The following RANBP3 variants were observed in gnomAD, a reference collection of about 807,000 sequenced individuals.
The protein encoded by RANBP3 is RAN binding protein 3, also known as ran-binding protein 3.
Under a neutral mutation model 77.3 loss-of-function variants are expected in RANBP3, and 14 were observed. The ratio of observed to expected loss-of-function variants is 0.18; its 90% CI spans 0.12 to 0.28. The LOEUF (loss-of-function observed/expected upper bound fraction) is 0.28, where lower values mean the gene tolerates loss of function less well. RANBP3 is among the 10% of genes least tolerant of loss of function. RANBP3 has a pLI of 1.00. For synonymous variants in RANBP3, 315 were observed against 312.4 expected, an observed-to-expected ratio of 1.01 and a Z score of -0.09; for missense variants, 586 against 752.3, an observed-to-expected ratio of 0.78 and a Z score of 2.59.
At chr19:5,939,377 G>T (rs1179908643) in intron 5 of RANBP3, among the ~76,000 whole-genome samples, 1 of 152,130 alleles carries the variant, frequency 6.6e-6, no homozygotes, top group African/African-American at 2.4e-5. Flanking sequence ...CTGAAGAGTT[G>T]GGGGAAAAAT....
chr19:5,958,018 ATACAG>A lies in RANBP3; in HGVS notation c.23-50_23-46del. On this transcript the variant is annotated intron_variant, in intron 1 of 16. Transcript: ENST00000340578. The surrounding 1 kb of genome is among the most constrained non-coding windows in gnomAD (Gnocchi z 4.4). ...TTTTTTTCCCCCCAACACTATATGC[ATACAG>A]TAAACAAAGCTACACTTGTTTGTAA... 6.5e-7 allele frequency: 1 copy of A among 1,545,170 alleles called. No homozygotes were observed. The highest frequency in any genetic ancestry group is 1.1e-5 in the South Asian group (1 of 89,408).
At chr19:5,927,301 G>A (rs1323865662) in intron 9 of RANBP3, among the ~76,000 whole-genome samples, 1 of 152,160 alleles carries the variant, frequency 6.6e-6, no homozygotes, top group African/African-American at 2.4e-5. Flanking sequence ...CACATGTCTG[G>A]AGGGCAGCCA....
At chr19:5,939,515 C>T (rs781726345) in intron 5 of RANBP3, among the ~76,000 whole-genome samples, 12 of 152,204 alleles carry the variant, frequency 7.9e-5, no homozygotes, top group Non-Finnish European at 1.5e-4. Context: ...GCTCACTTGG[C>T]TCTGAGTCGG....
chr19:5,957,736 G>GT (rs2058352318), intron 2 of RANBP3, among the ~76,000 whole-genome samples, 182 bp downstream of exon 2: 1 of 152,000 alleles, frequency 6.6e-6, no homozygotes, highest in South Asian at 2.1e-4. Flanking sequence ...TCTCTCCACG[G>GT]TAACCTAAAG....
At chr19:5,934,769 G>A (rs1346085199) in intron 5 of RANBP3, among the ~76,000 whole-genome samples, 10 of 152,216 alleles carry the variant, frequency 6.6e-5, no homozygotes, top group African/African-American at 9.6e-5. Flanking sequence ...GGGAGCTTGA[G>A]GTTACAGTTG....
At chr19:5,975,908 T>G (rs776893964) in intron 1 of RANBP3, among the ~76,000 whole-genome samples, 3 of 151,660 alleles carry the variant, frequency 2.0e-5, no homozygotes, top group African/African-American at 4.9e-5. Context: ...CCAGAGTAGT[T>G]AGCACAGAGC....
chr19:5,919,198 A>G (rs1204661109), intron 14 of RANBP3, among the ~76,000 whole-genome samples: 1 of 152,182 alleles, frequency 6.6e-6, no homozygotes, highest in Non-Finnish European at 1.5e-5. Context: ...AGGAGACGAG[A>G]GGACTGTGGG....
intron 3 of RANBP3, 72 bp downstream of exon 3, chr19:5,951,321 C>A: frequency 2.2e-6 from 3 of 1,394,732 alleles, no homozygotes; most frequent in Non-Finnish European, 3.0e-6. Context: ...TCTGAGGGAC[C>A]CGAAGGGAAA....
chr19:5,976,777 G>A (rs1054046045), intron 1 of RANBP3, among the ~76,000 whole-genome samples: 3 of 152,162 alleles, frequency 2.0e-5, no homozygotes, highest in Admixed American at 2.0e-4. Flanking sequence ...CCAAGAATCA[G>A]GGAGAGAACC....
At chr19:5,957,144 G>T (rs1455517233) in intron 2 of RANBP3, among the ~76,000 whole-genome samples, 1 of 152,196 alleles carries the variant, frequency 6.6e-6, no homozygotes, top group Non-Finnish European at 1.5e-5. Flanking sequence ...GGGTCCCCAT[G>T]CAAGCTGAGG....
At chr19:5,944,428 A>G (rs1192404624) in intron 3 of RANBP3, among the ~76,000 whole-genome samples, 3 of 152,178 alleles carry the variant, frequency 2.0e-5, no homozygotes, top group South Asian at 4.1e-4. Flanking sequence ...CCTCATACTT[A>G]GCAAAGGTGA....
At chr19:5,928,731 T>C (rs1030801719) in intron 8 of RANBP3, among the ~76,000 whole-genome samples, 2 of 150,136 alleles carry the variant, frequency 1.3e-5, no homozygotes, top group Non-Finnish European at 3.0e-5. Context: ...CTTTCTAGGA[T>C]TTCCATTTTG....
chr19:5,960,601 G>C (rs567043049), intron 1 of RANBP3, among the ~76,000 whole-genome samples: 1 of 152,184 alleles, frequency 6.6e-6, no homozygotes. Flanking sequence ...GAAGGGGGAG[G>C]GAAGGAGGAC....
rs751798723 is a variant in RANBP3 at position 5,924,941 on chromosome 19, C to G, written c.918-36G>C. On this transcript the variant is annotated intron_variant, in intron 10 of 16. Coordinates refer to ENST00000340578, the MANE Select transcript of RANBP3 (RefSeq NM_007322.3). This position sits in a 1 kb window ranked among gnomAD's most constrained non-coding sequence, Gnocchi z 4.7. Reference sequence around the variant, plus strand: ...GATGTGCAATGAGTGTGGGGCGTCACGTGGGAACGTGGCCAGGCAAATGTA... The same window carrying G: ...GATGTGCAATGAGTGTGGGGCGTCAGGTGGGAACGTGGCCAGGCAAATGTA... The G allele has an allele frequency of 6.3e-6, 10 of 1,578,260 alleles. No homozygotes were observed. In the Admixed American group the frequency reaches 1.5e-4, roughly 24 times the overall value.
chr19:5,925,666 T>G lies in RANBP3; in HGVS notation c.885A>C (p.Ala295=), dbSNP rs929995982. 2 of 1,613,818 alleles carry G rather than the reference T, an allele frequency of 1.2e-6. No individual in the cohort carries two copies. The highest frequency in any genetic ancestry group is 1.7e-6 in the Non-Finnish European group (2 of 1,179,962). ...AGHPSADTPT[A]TNYFLQYISS... is the part of the protein sequence containing the mutation. ...TGATATACTGGAGGAAATAGTTCGT[T>G]GCGGTTGGCGTGTCTGCGCTGGGGT... Residue 295 remains alanine (A), a synonymous_variant, in exon 10 of 17, where the codon GCA becomes GCC. Transcript: ENST00000340578.
Position 5,919,473 on chromosome 19 carries a change from G to A in RANBP3, c.1331-835C>T, listed in dbSNP as rs902116721. Among the ~76,000 whole-genome samples the A allele has an allele frequency of 2.0e-5, 3 of 152,356 alleles. No individual in the cohort carries two copies. The East Asian group carries it at 5.8e-4, about 29-fold the overall frequency. ...TGATTTTGCTCTCCCTGAAGCTGGG[G>A]AGGGTACTGCTGCCACGGGGCTACA... On this transcript the variant is annotated intron_variant, in intron 14 of 16. Transcript: ENST00000340578.
At chr19:5,956,194 CCT>C (rs2058333154) in intron 2 of RANBP3, among the ~76,000 whole-genome samples, 1 of 152,122 alleles carries the variant, frequency 6.6e-6, no homozygotes, top group African/African-American at 2.4e-5. Context: ...AATTTGCTAA[CCT>C]TTGTTTTAAA....
chr19:5,941,753 T>C (rs1293910616), intron 4 of RANBP3, 46 bp from the exon 5 acceptor site: 26 of 1,612,414 alleles, frequency 1.6e-5, no homozygotes, highest in Non-Finnish European at 1.9e-5. Context: ...AGGTTGCTTC[T>C]GTCTTTAAAA....
chr19:5,948,452 CAAA>C (rs113674051), intron 3 of RANBP3, among the ~76,000 whole-genome samples: 7 of 108,676 alleles, frequency 6.4e-5, no homozygotes, highest in Admixed American at 9.7e-5. Context: ...GACTCCATGT[CAAA>C]AAAAAAAAAA....
Sources: gnomAD v4.1 joint callset for allele counts (sites outside exome capture counted in the v4.1 genomes callset) on GRCh38, gnomAD v4.1.1 for gene constraint, Gnocchi (gnomAD v3.1) non-coding constraint, MANE v1.5 for transcripts, NCBI Gene and HGNC (gene_info 2026-07-23, HGNC 2026-07-21) for gene names.